Variants in ERMP1 observed in about 807,000 individuals in gnomAD.
ERMP1 encodes the protein Felix-ina.
Under a neutral mutation model 92.0 loss-of-function variants are expected in ERMP1, and 86 were observed. That is an observed-to-expected ratio of 0.93 (90% confidence interval 0.79 to 1.12). The LOEUF is 1.12. Among genes scored for constraint, ERMP1 ranks in the 50% most tolerant of loss-of-function variants. The probability of loss-of-function intolerance (pLI) is 0.00; values close to 1 mark genes in which losing one functional copy is unlikely to be tolerated. For missense variants in ERMP1, 1,342 were observed against 1,116.3 expected, an observed-to-expected ratio of 1.20 and a Z score of -2.88; for synonymous variants, 530 against 412.8, an observed-to-expected ratio of 1.28 and a Z score of -3.44.
At position 5,828,657 on chromosome 9, in the gene ERMP1, T is replaced by G. The variant is rs1264487342; in HGVS notation, c.640+2070A>C. Among the ~76,000 whole-genome samples, 3 of 152,346 alleles carry G rather than the reference T, an allele frequency of 2.0e-5. No individual in the cohort carries two copies. In the East Asian group the frequency reaches 5.8e-4, roughly 29 times the overall value. On this transcript the variant is annotated intron_variant, in intron 2 of 14. Coordinates refer to ENST00000339450, the MANE Select transcript of ERMP1 (RefSeq NM_024896.3). The stretch of plus-strand genomic sequence containing the variant: ...AAGCCACCTCTTTGAGATGTACTCA[T>G]TTTCCTTGAGTATCTCCCATGTACA...
At chr9:5,789,989 T>C (rs1005731959) in intron 13 of ERMP1, among the ~76,000 whole-genome samples, 9 of 152,064 alleles carry the variant, frequency 5.9e-5, no homozygotes, top group African/African-American at 1.7e-4. Context: ...AAAGAACTTA[T>C]TATACTGAGG....
chr9:5,833,666 T>TAAAAGGAA (rs1830041131), upstream of ERMP1, among the ~76,000 whole-genome samples: 2 of 152,268 alleles, frequency 1.3e-5, no homozygotes, highest in Non-Finnish European at 2.9e-5. Flanking sequence ...TACATCATCT[T>TAAAAGGAA]ATTTAATTAT....
At chr9:5,828,855 A>T (rs1367324505) in intron 2 of ERMP1, among the ~76,000 whole-genome samples, 1 of 152,176 alleles carries the variant, frequency 6.6e-6, no homozygotes, top group East Asian at 1.9e-4. Context: ...AATGTTCTTA[A>T]GCAACCATGG....
intron 4 of ERMP1, among the ~76,000 whole-genome samples, chr9:5,820,540 A>G (rs909679990): frequency 1.3e-5 from 2 of 152,212 alleles, no homozygotes; most frequent in African/African-American, 4.8e-5. Context: ...CACTCATGAA[A>G]TGAGGTCACT....
chr9:5,828,562 G>T (rs1450423865), intron 2 of ERMP1, among the ~76,000 whole-genome samples: 3 of 152,092 alleles, frequency 2.0e-5, no homozygotes, highest in Non-Finnish European at 4.4e-5. Flanking sequence ...CGAGACTCAA[G>T]GTCCTTTTCC....
In ERMP1 at chr9:5,850,517, G is replaced by A. The variant is rs193279529; in HGVS notation, n.3199+8951C>T. On this transcript the variant is annotated intron_variant and non_coding_transcript_variant, in intron 6 of 6. Coordinates refer to the ERMP1 transcript ENST00000690753. ...GAGGGAGCATGTGGCTGAGGAAACT[G>A]AATGTTTAACAAGTTCCTCCTGTGA... Among the ~76,000 whole-genome samples, 673 of 151,574 alleles carry A rather than the reference G, an allele frequency of 4.4e-3. 4 individuals carry two copies. The highest frequency in any genetic ancestry group is 3.9e-3 in the Non-Finnish European group (266 of 67,914).
intron 2 of ERMP1, 100 bp downstream of exon 2, chr9:5,830,627 C>A: frequency 1.1e-6 from 1 of 888,238 alleles, no homozygotes. Flanking sequence ...AAGGTTTGCC[C>A]AAGAAAATGG....
upstream of ERMP1, among the ~76,000 whole-genome samples, chr9:5,835,358 G>GCGCGCA (rs1830080070): frequency 1.3e-5 from 2 of 149,626 alleles, no homozygotes; most frequent in Non-Finnish European, 3.0e-5. Flanking sequence ...GAACGCGCGC[G>GCGCGCA]CGCATGTGTG....
At chr9:5,812,862 A>C in intron 5 of ERMP1, 27 bp downstream of exon 5, 1 of 1,613,586 alleles carries the variant, frequency 6.2e-7, no homozygotes, top group Non-Finnish European at 8.5e-7. Flanking sequence ...AATGCTGCAC[A>C]GTAGGCCGTA....
chr9:5,802,505 C>T (rs1828709387), intron 10 of ERMP1, among the ~76,000 whole-genome samples: 1 of 152,180 alleles, frequency 6.6e-6, no homozygotes, highest in African/African-American at 2.4e-5. Flanking sequence ...GTGCCTCAGC[C>T]TCCTGAGTAG....
At chr9:5,830,597 G>A (rs1317098532) in intron 2 of ERMP1, 130 bp downstream of exon 2, 36 of 641,462 alleles carry the variant, frequency 5.6e-5, no homozygotes, top group Non-Finnish European at 8.6e-5. Context: ...TAATTATCCT[G>A]CTTTCCATCA....
At chr9:5,807,437 T>C (rs900830820) in intron 8 of ERMP1, among the ~76,000 whole-genome samples, 1 of 152,180 alleles carries the variant, frequency 6.6e-6, no homozygotes, top group African/African-American at 2.4e-5. Flanking sequence ...TGGTATATTT[T>C]AACACATGCT....
chr9:5,787,489 A>C lies in ERMP1; in HGVS notation c.2491T>G (p.Phe831Val). ...TGGAGTCCATGGGAGTAAAAGACAA[A>C]GTAGTCTCCTCCTTTACTTGTGACT... ...TPVTSKGGDY[F>V]VFYSHGLQAS... Residue 831 changes from phenylalanine to valine, a missense_variant, in exon 14 of 15, where the codon TTT (phenylalanine) becomes GTT (valine). Coordinates refer to ENST00000339450, the MANE Select transcript of ERMP1 (RefSeq NM_024896.3). 6.2e-7 allele frequency: 1 copy of C among 1,614,188 alleles called. No homozygotes were observed. The highest frequency in any genetic ancestry group is 8.5e-7 in the Non-Finnish European group (1 of 1,180,002).
At chr9:5,865,595 G>A (rs1395572689) in intron 5 of ERMP1, among the ~76,000 whole-genome samples, 1 of 151,626 alleles carries the variant, frequency 6.6e-6, no homozygotes, top group Non-Finnish European at 1.5e-5. Flanking sequence ...CACTTTCGCA[G>A]GCCGAGGCAA....
chr9:5,832,342 AG>A (rs1256611730), intron 1 of ERMP1: 1 of 248,582 alleles, frequency 4.0e-6, no homozygotes, highest in Non-Finnish European at 7.6e-6. Context: ...CCATCTGGAA[AG>A]CAGAAGGGCT....
intron 13 of ERMP1, among the ~76,000 whole-genome samples, chr9:5,789,559 T>C (rs1000939898): frequency 1.2e-4 from 18 of 152,238 alleles, no homozygotes; most frequent in East Asian, 7.7e-4. Context: ...AAGAACTTTT[T>C]CCTGAGACAG....
intron 2 of ERMP1, among the ~76,000 whole-genome samples, chr9:5,829,419 A>G (rs1829854976): frequency 1.3e-5 from 2 of 152,226 alleles, no homozygotes; most frequent in African/African-American, 2.4e-5. Flanking sequence ...TACATTTTGT[A>G]TAACTCTAGA....
At chr9:5,787,722 T>A (rs1042932735) in intron 13 of ERMP1, 129 bp from the exon 14 acceptor site, 1 of 873,736 alleles carries the variant, frequency 1.1e-6, no homozygotes, top group African/African-American at 1.7e-5. Flanking sequence ...ATAAACCTAA[T>A]GGAGGTTTAC....
intron 13 of ERMP1, among the ~76,000 whole-genome samples, 192 bp downstream of exon 13, chr9:5,797,625 G>A (rs535670570): frequency 1.3e-3 from 189 of 150,422 alleles, no homozygotes; most frequent in Middle Eastern, 3.4e-3. Context: ...TCTAGCCTGG[G>A]CGACAGAGCG....
Sources: allele counts gnomAD v4.1 joint callset (sites outside exome capture counted in the v4.1 genomes callset), GRCh38; gene constraint gnomAD v4.1.1; transcripts MANE v1.5; gene names NCBI Gene and HGNC (gene_info 2026-07-23, HGNC 2026-07-21).